Variants in AGO1 observed in about 807,000 individuals in gnomAD.
The protein encoded by AGO1 is protein argonaute-1.
A neutral mutation model predicts 109.2 loss-of-function variants in AGO1; 11 were observed. That is an observed-to-expected ratio of 0.10 (90% CI 0.06 to 0.17). The LOEUF (loss-of-function observed/expected upper bound fraction) is 0.17, where lower values mean the gene tolerates loss of function less well. AGO1 is among the 10% of genes least tolerant of loss of function. The pLI is 1.00. For synonymous variants in AGO1, 422 were observed against 418.6 expected (o/e 1.01, Z -0.10); for missense variants, 574 against 1,140.3 (o/e 0.50, Z 7.15).
chr1:35,922,407 C>T lies in AGO1; in HGVS notation c.*2800C>T, dbSNP rs539113284. The T allele has an allele frequency of 6.6e-6, 1 of 152,264 alleles. No individual in the cohort carries two copies. The highest frequency in any genetic ancestry group is 1.5e-5 in the Non-Finnish European group (1 of 68,066). 9.4% of individuals were successfully genotyped at this position (152,264 alleles called of 1,614,324 possible). On this transcript the variant is annotated 3_prime_UTR_variant, in exon 19 of 19. Coordinates refer to ENST00000373204, the MANE Select transcript of AGO1 (RefSeq NM_012199.5). The stretch of plus-strand genomic sequence containing the variant: ...AAGTGGTGTTGGCAGCAAGCTTTGG[C>T]TCATGTGGATTTGGTTTAAGTGGTG...
intron 12 of AGO1, among the ~76,000 whole-genome samples, chr1:35,909,148 G>T (rs1216264542): frequency 6.6e-6 from 1 of 152,096 alleles, no homozygotes; most frequent in Admixed American, 6.5e-5. Flanking sequence ...TTCCAAGAAA[G>T]ACTTCTTGTG....
chr1:35,898,260 CTT>C (rs1428721236), intron 8 of AGO1, among the ~76,000 whole-genome samples: 8 of 143,150 alleles, frequency 5.6e-5, no homozygotes, highest in African/African-American at 5.1e-5. Context: ...TGTTTAACAT[CTT>C]TTTTTTTTTT....
intron 15 of AGO1, among the ~76,000 whole-genome samples, chr1:35,917,168 A>G (rs1178491990): frequency 6.6e-6 from 1 of 152,014 alleles, no homozygotes; most frequent in African/African-American, 2.4e-5. Context: ...CCATTATGGA[A>G]CTATATGTCT....
rs1183904818 is a variant in AGO1 at position 35,897,042 on chromosome 1, GT to G, written c.1020+1774del. On this transcript the variant is annotated intron_variant, in intron 8 of 18. Coordinates refer to ENST00000373204, the MANE Select transcript of AGO1 (RefSeq NM_012199.5). Reference sequence around the variant, plus strand: ...CATATATTTATCGAGCTCCTACTATGTGTCATATACTCTCAGGTGCTAGGAA... The same window carrying G: ...CATATATTTATCGAGCTCCTACTATGGTCATATACTCTCAGGTGCTAGGAA... Among the ~76,000 whole-genome samples the G allele has an allele frequency of 6.6e-5, 10 of 152,288 alleles. No homozygotes were observed. The East Asian group carries it at 1.7e-3, about 26-fold the overall frequency.
intron 6 of AGO1, 36 bp downstream of exon 6, chr1:35,894,207 C>G: frequency 6.4e-7 from 1 of 1,569,396 alleles, no homozygotes; most frequent in Non-Finnish European, 8.7e-7. Flanking sequence ...GAAACAGCGC[C>G]ACTTTAGCCC....
rs978718021 is a variant in AGO1 at position 35,930,473 on chromosome 1, G to C, written c.*10866G>C. On this transcript the variant is annotated 3_prime_UTR_variant, in exon 19 of 19. Transcript: ENST00000373204. ...ATTTACGCCGTGCGTTTTCACCCTG[G>C]AAAGGAGTTTGGGTTTTCAAGTGTG... 4.6e-5 allele frequency: 7 copies of C among 152,358 alleles called. No individual in the cohort carries two copies. In the East Asian group the frequency reaches 7.7e-4, roughly 17 times the overall value. The allele number at this position is 152,358 out of a possible 1,614,324, so 9.4% of individuals were successfully genotyped here.
chr1:35,907,383 A>G (rs1286958049), intron 12 of AGO1, among the ~76,000 whole-genome samples: 1 of 152,008 alleles, frequency 6.6e-6, no homozygotes, highest in East Asian at 1.9e-4. Context: ...TGGGCCAGGT[A>G]CAGAGACGGG....
At chr1:35,898,462 T>G in intron 8 of AGO1, among the ~76,000 whole-genome samples, 1 of 152,142 alleles carries the variant, frequency 6.6e-6, no homozygotes, top group Non-Finnish European at 1.5e-5. Flanking sequence ...TTCACGGTGT[T>G]AGCCAGAATG....
rs1009132023 is a variant in AGO1, at chr1:35,903,739, C to G, written c.1397+1402C>G. ...CAGCACTTTGGGAGGCTGAGGCGGG[C>G]GGATCACAAGGTCAGTAGTTTGAGA... On this transcript the variant is annotated intron_variant, in intron 11 of 18. Coordinates refer to ENST00000373204, the MANE Select transcript of AGO1 (RefSeq NM_012199.5). Among the ~76,000 whole-genome samples the G allele has an allele frequency of 3.9e-4, 59 of 151,698 alleles. 1 individual carries two copies. Among genetic ancestry groups the G allele is most frequent in the African/African-American group, 1.3e-3 (55 of 41,340 alleles).
In AGO1 at chr1:35,913,933, G is replaced by A; in HGVS notation, c.1674G>A (p.Leu558=). Residue 558 remains leucine, a synonymous_variant, in exon 13 of 19, where the codon CTG becomes CTA. Coordinates refer to ENST00000373204, the MANE Select transcript of AGO1 (RefSeq NM_012199.5). ...KNVVKTSPQT[L]SNLCLKINVK... ...TGGTCAAGACCTCACCTCAGACTCT[G>A]TCCAACCTCTGCCTCAAGATCAATG... is the stretch of plus-strand genomic sequence containing the variant. 6.2e-7 allele frequency: 1 copy of A among 1,614,100 alleles called. No individual in the cohort carries two copies.
At chr1:35,895,298 T>TA in intron 8 of AGO1, 29 bp downstream of exon 8, 1 of 1,604,204 alleles carries the variant, frequency 6.2e-7, no homozygotes, top group Non-Finnish European at 8.5e-7. Flanking sequence ...GGCTGGGGAA[T>TA]AGGCATTGTA....
In AGO1 at chr1:35,906,843, C is replaced by T. The variant is rs943103941; in HGVS notation, c.1398-92C>T. On this transcript the variant is annotated intron_variant, in intron 11 of 18. Coordinates refer to ENST00000373204, the MANE Select transcript of AGO1 (RefSeq NM_012199.5). ...AAAAAAAACCAATCTCTCAGTGCCT[C>T]TTATAGTGCTAAGCACCTAAGATGG... 5.0e-5 allele frequency: 54 copies of T among 1,074,288 alleles called. 1 individual carries two copies. Among genetic ancestry groups the T allele is most frequent in the Middle Eastern group, 2.2e-4 (1 of 4,540 alleles). The allele number at this position is 1,074,288 out of a possible 1,614,324, so 66.5% of individuals were successfully genotyped here.
At position 35,896,659 on chromosome 1, in the gene AGO1, A is replaced by T. The variant is rs562988077; in HGVS notation, c.1020+1390A>T. ...GGGCATGAGCTGCCACGCCTGGCCT[A>T]CCCTCTTACTTTTATCCAACAGCAG... On this transcript the variant is annotated intron_variant, in intron 8 of 18. Coordinates refer to ENST00000373204, the MANE Select transcript of AGO1 (RefSeq NM_012199.5). 3.7e-3 allele frequency among the ~76,000 whole-genome samples: 567 copies of T among 152,200 alleles called. 4 individuals carry two copies. The highest frequency in any genetic ancestry group is 0.013 in the African/African-American group (523 of 41,522).
chr1:35,928,192 T>C lies in AGO1; in HGVS notation c.*8585T>C, dbSNP rs1368812370. ...GTCTTTCCTGCATGCACTGAGTATTTGGTAGCTCATTAGTGACCAGTGATA... is the reference window on the plus strand; with the variant it reads ...GTCTTTCCTGCATGCACTGAGTATTCGGTAGCTCATTAGTGACCAGTGATA... On this transcript the variant is annotated 3_prime_UTR_variant, in exon 19 of 19. Coordinates refer to ENST00000373204, the MANE Select transcript of AGO1 (RefSeq NM_012199.5). The C allele has an allele frequency of 6.6e-6, 1 of 152,240 alleles. No homozygotes were observed. Among genetic ancestry groups the C allele is most frequent in the Non-Finnish European group, 1.5e-5 (1 of 68,056 alleles). 9.4% of individuals were successfully genotyped at this position (152,240 alleles called of 1,614,324 possible).
intron 1 of AGO1, among the ~76,000 whole-genome samples, chr1:35,876,309 C>T (rs1042904169): frequency 6.6e-5 from 10 of 151,682 alleles, no homozygotes; most frequent in Admixed American, 4.6e-4. Context: ...CTCTGTTGCC[C>T]AGCCTGGAGT....
chr1:35,925,432 C>T lies in AGO1; in HGVS notation c.*5825C>T, dbSNP rs1233198421. The T allele has an allele frequency of 1.4e-5, 2 of 146,946 alleles. No homozygotes were observed. Among genetic ancestry groups the T allele is most frequent in the Admixed American group, 6.9e-5 (1 of 14,504 alleles). The allele number at this position is 146,946 out of a possible 1,614,324, so 9.1% of individuals were successfully genotyped here. A position where few individuals can be genotyped will look rare whatever the true frequency, so the allele number is the denominator to read the frequency against. ...CTAGCCAATATTATAAACCATGTTC[C>T]AGCATACTAGATAATAGTAGCATAC... On this transcript the variant is annotated 3_prime_UTR_variant, in exon 19 of 19. Coordinates refer to ENST00000373204, the MANE Select transcript of AGO1 (RefSeq NM_012199.5).
chr1:35,930,441 G>A lies in AGO1; in HGVS notation c.*10834G>A, dbSNP rs1571393823. On this transcript the variant is annotated 3_prime_UTR_variant, in exon 19 of 19. Transcript: ENST00000373204. ...CAACCAGTATAGCTGTAGCACAGGC[G>A]GGGCCCATTTACGCCGTGCGTTTTC... The A allele has an allele frequency of 6.6e-6, 1 of 152,200 alleles. No homozygotes were observed. Among genetic ancestry groups the A allele is most frequent in the Non-Finnish European group, 1.5e-5 (1 of 68,030 alleles). The allele number at this position is 152,200 out of a possible 1,614,324, so 9.4% of individuals were successfully genotyped here. A position where few individuals can be genotyped will look rare whatever the true frequency, so the allele number is the denominator to read the frequency against.
In AGO1 at chr1:35,883,412, G is replaced by T. The variant is rs999650573; in HGVS notation, c.-10G>T. On this transcript the variant is annotated 5_prime_UTR_variant, in exon 1 of 19. Coordinates refer to ENST00000373204, the MANE Select transcript of AGO1 (RefSeq NM_012199.5). This position sits in a 1 kb window ranked among gnomAD's most constrained non-coding sequence, Gnocchi z 5.4. ...CTCCGGGCCGCCTGACCTCCGCACG[G>T]GTATATGGGATGGAAGCGGGACCCT... The T allele has an allele frequency of 6.3e-7, 1 of 1,579,312 alleles. No individual in the cohort carries two copies. Among genetic ancestry groups the T allele is most frequent in the Non-Finnish European group, 8.6e-7 (1 of 1,164,618 alleles).
intron 1 of AGO1, among the ~76,000 whole-genome samples, chr1:35,871,468 A>G (rs1206818183): frequency 6.6e-6 from 1 of 151,892 alleles, no homozygotes; most frequent in Non-Finnish European, 1.5e-5. Context: ...ACTTGAACCC[A>G]GGAGGCGGAA....
Sources: allele counts gnomAD v4.1 joint callset (sites outside exome capture counted in the v4.1 genomes callset), GRCh38; gene constraint gnomAD v4.1.1; non-coding constraint Gnocchi (gnomAD v3.1); transcripts MANE v1.5; gene names NCBI Gene and HGNC (gene_info 2026-07-23, HGNC 2026-07-21).